OPCML: variants seen among roughly 807,000 people sequenced by gnomAD.
OPCML encodes the protein opioid-binding protein/cell adhesion molecule.
OPCML carries 13 observed loss-of-function variants against 37.8 expected under a neutral mutation model. The ratio of observed to expected loss-of-function variants is 0.34; its 90% confidence interval spans 0.22 to 0.55. The LOEUF (loss-of-function observed/expected upper bound fraction) is 0.55, where lower values mean the gene tolerates loss of function less well. OPCML is among the 20% of genes least tolerant of loss of function. The probability of loss-of-function intolerance (pLI) is 0.91; values close to 1 mark genes in which losing one functional copy is unlikely to be tolerated. For missense variants in OPCML, 341 were observed against 435.6 expected (o/e 0.78, Z 1.93); for synonymous variants, 176 against 168.8 (o/e 1.04, Z -0.33).
At position 133,384,518 on chromosome 11, in the gene OPCML, T is replaced by C. The variant is rs145374099; in HGVS notation, c.61+147746A>G. ...GATGAGAAAGTCAGCTCCATGGTGCTGATTTACTCCTTCTCTCTGGCTCTG... is the reference window on the plus strand; with the variant it reads ...GATGAGAAAGTCAGCTCCATGGTGCCGATTTACTCCTTCTCTCTGGCTCTG... On this transcript the variant is annotated intron_variant, in intron 1 of 7. Transcript: ENST00000524381. Among the ~76,000 whole-genome samples the C allele has an allele frequency of 8.9e-4, 136 of 152,348 alleles. 1 individual carries two copies. Among genetic ancestry groups the C allele is most frequent in the African/African-American group, 3.1e-3 (127 of 41,588 alleles).
intron 1 of OPCML, among the ~76,000 whole-genome samples, chr11:132,982,990 A>G (rs1946618907): frequency 1.3e-5 from 2 of 152,170 alleles, no homozygotes; most frequent in African/African-American, 2.4e-5. Flanking sequence ...TAACAATTAC[A>G]TGCCTTAGGA....
rs148701148 is a variant in OPCML, at chr11:132,597,191, C to T, written c.379+59896G>A. ...TGTTATCTTTCTATTCTTCTAGGAACTTTCTGCAGCTACCTCAGCTTAAAA... is the reference window on the plus strand; with the variant it reads ...TGTTATCTTTCTATTCTTCTAGGAATTTTCTGCAGCTACCTCAGCTTAAAA... On this transcript the variant is annotated intron_variant, in intron 3 of 7. Coordinates refer to ENST00000524381, the MANE Select transcript of OPCML (RefSeq NM_001012393.5). Among the ~76,000 whole-genome samples the T allele has an allele frequency of 1.9e-3, 289 of 152,336 alleles. 2 individuals carry two copies. The highest frequency in any genetic ancestry group is 6.3e-3 in the African/African-American group (264 of 41,582).
chr11:132,416,262 C>T lies in OPCML; in HGVS notation c.*3931G>A, dbSNP rs912304874. The stretch of plus-strand genomic sequence containing the variant: ...ATAGCCAGTTTTTCTTTCTCAAGAT[C>T]AAAGTCAGTATGGAATTGAGGAAAG... On this transcript the variant is annotated 3_prime_UTR_variant, in exon 8 of 8. Coordinates refer to ENST00000524381, the MANE Select transcript of OPCML (RefSeq NM_001012393.5). The T allele has an allele frequency of 2.0e-5, 3 of 152,118 alleles. No individual in the cohort carries two copies. Among genetic ancestry groups the T allele is most frequent in the African/African-American group, 7.2e-5 (3 of 41,412 alleles). The allele number at this position is 152,118 out of a possible 1,614,324, so 9.4% of individuals were successfully genotyped here.
intron 1 of OPCML, among the ~76,000 whole-genome samples, chr11:133,495,079 C>T (rs1234813376): frequency 1.3e-5 from 2 of 152,026 alleles, no homozygotes; most frequent in Non-Finnish European, 2.9e-5. Flanking sequence ...CCCCAAGTCA[C>T]CGAAGTTCAT....
intron 2 of OPCML, among the ~76,000 whole-genome samples, chr11:132,934,162 G>T (rs1197588661): frequency 1.3e-5 from 2 of 152,158 alleles, no homozygotes; most frequent in Non-Finnish European, 2.9e-5. Context: ...AGATCCTTTG[G>T]GTAAATAGGC....
At chr11:132,613,242 C>CA (rs1322000340) in intron 3 of OPCML, among the ~76,000 whole-genome samples, 1 of 152,150 alleles carries the variant, frequency 6.6e-6, no homozygotes, top group Non-Finnish European at 1.5e-5. Flanking sequence ...TTCTCTCTAA[C>CA]AAAAAAGCTA....
At chr11:132,656,439 G>A (rs1185249670) in intron 3 of OPCML, among the ~76,000 whole-genome samples, 2 of 152,124 alleles carry the variant, frequency 1.3e-5, no homozygotes, top group Admixed American at 6.5e-5. Context: ...AGTTTTTAAA[G>A]GAGAATGGAA....
intron 1 of OPCML, among the ~76,000 whole-genome samples, chr11:133,264,840 A>T (rs182163602): frequency 5.6e-4 from 86 of 152,314 alleles, no homozygotes; most frequent in Admixed American, 2.0e-3. Context: ...GGCATAGATC[A>T]TTAAATAAAC....
chr11:133,448,728 A>T (rs1946521572), intron 1 of OPCML, among the ~76,000 whole-genome samples: 1 of 152,216 alleles, frequency 6.6e-6, no homozygotes, highest in African/African-American at 2.4e-5. Context: ...AAGTGCTGGG[A>T]TTACAGGCAT....
chr11:133,253,027 T>A (rs1302703390), intron 1 of OPCML, among the ~76,000 whole-genome samples: 1 of 151,138 alleles, frequency 6.6e-6, no homozygotes, highest in Non-Finnish European at 1.5e-5. Context: ...GCACCGGTAA[T>A]CCCAGCTACT....
At chr11:132,647,355 C>T (rs1941205406) in intron 3 of OPCML, among the ~76,000 whole-genome samples, 1 of 152,138 alleles carries the variant, frequency 6.6e-6, no homozygotes, top group Non-Finnish European at 1.5e-5. Flanking sequence ...TGACCGCCAC[C>T]CCACTTAGTT....
chr11:132,819,694 A>G (rs1456597793), intron 2 of OPCML, among the ~76,000 whole-genome samples: 2 of 152,196 alleles, frequency 1.3e-5, no homozygotes, highest in African/African-American at 4.8e-5. Context: ...TATGATATCA[A>G]TATTTATTTC....
chr11:133,520,204 A>G (rs1002228934), intron 1 of OPCML, among the ~76,000 whole-genome samples: 2 of 152,056 alleles, frequency 1.3e-5, no homozygotes, highest in Non-Finnish European at 1.5e-5. Context: ...ACAGCCTGGT[A>G]ACACAGACAG....
At chr11:133,140,766 A>T (rs62644103) in intron 1 of OPCML, among the ~76,000 whole-genome samples, 3 of 112,568 alleles carry the variant, frequency 2.7e-5, no homozygotes, top group African/African-American at 1.1e-4. Flanking sequence ...AAGACGACGA[A>T]GAAGAAGAAG....
intron 3 of OPCML, among the ~76,000 whole-genome samples, chr11:132,538,333 C>A (rs1175792490): frequency 6.6e-6 from 1 of 152,098 alleles, no homozygotes; most frequent in Non-Finnish European, 1.5e-5. Flanking sequence ...TGATTCCATT[C>A]ATGTAGGATA....
chr11:132,975,920 G>A (rs1181220554), intron 1 of OPCML, among the ~76,000 whole-genome samples: 8 of 152,038 alleles, frequency 5.3e-5, no homozygotes, highest in South Asian at 2.1e-4. Flanking sequence ...ACAGGTGCCC[G>A]CCACCATGCC....
intron 1 of OPCML, among the ~76,000 whole-genome samples, chr11:133,109,675 C>T (rs1253097440): frequency 6.6e-6 from 1 of 152,186 alleles, no homozygotes; most frequent in Non-Finnish European, 1.5e-5. Flanking sequence ...ACCATGACCC[C>T]AAAAGAGTGC....
intron 1 of OPCML, among the ~76,000 whole-genome samples, chr11:133,285,812 T>A (rs543560803): frequency 6.6e-6 from 1 of 152,206 alleles, no homozygotes; most frequent in Non-Finnish European, 1.5e-5. Flanking sequence ...ATTGGTATGC[T>A]GAGTTCCCAC....
chr11:133,273,547 T>A (rs1941910610), intron 1 of OPCML, among the ~76,000 whole-genome samples: 1 of 152,200 alleles, frequency 6.6e-6, no homozygotes, highest in South Asian at 2.1e-4. Flanking sequence ...GAACCAAAGT[T>A]CAGGAGACAG....
Sources: allele counts gnomAD v4.1 joint callset (sites outside exome capture counted in the v4.1 genomes callset), GRCh38; gene constraint gnomAD v4.1.1; transcripts MANE v1.5; gene names NCBI Gene and HGNC (gene_info 2026-07-23, HGNC 2026-07-21).